LAMA1: variants seen among roughly 807,000 people sequenced by gnomAD.
LAMA1 encodes the protein laminin subunit alpha-1.
LAMA1 carries 219 observed loss-of-function variants against 348.7 expected under a neutral mutation model. That is an observed-to-expected ratio of 0.63 (90% CI 0.56 to 0.70). The LOEUF is 0.70. LAMA1 is among the 30% of genes least tolerant of loss of function. The probability of loss-of-function intolerance (pLI) is 0.00; values close to 1 mark genes in which losing one functional copy is unlikely to be tolerated. For synonymous variants in LAMA1, 1,487 were observed against 1,491.0 expected (o/e 1.00, Z 0.06); for missense variants, 3,744 against 3,888.0 (o/e 0.96, Z 0.99).
chr18:7,089,648 C>T (rs2058231933), intron 1 of LAMA1, among the ~76,000 whole-genome samples: 1 of 152,220 alleles, frequency 6.6e-6, no homozygotes, highest in Admixed American at 6.5e-5. Context: ...CCCCCTGTTG[C>T]CTGAGCGAGG....
chr18:7,093,182 C>T (rs900403408), intron 1 of LAMA1, among the ~76,000 whole-genome samples: 7 of 152,014 alleles, frequency 4.6e-5, no homozygotes, highest in Non-Finnish European at 7.4e-5. Context: ...TTTGGGAGGC[C>T]GAGGCGGGCG....
In LAMA1 at chr18:6,997,880, A is replaced by C. The variant is rs1358770337; in HGVS notation, c.4668T>G (p.Cys1556Trp). Residue 1556 changes from cysteine (C) to tryptophan (W), a missense_variant, in exon 33 of 63, where the codon TGT becomes TGG. Physicochemically the swap from Cys to Trp is radical, Grantham distance 215. Around this residue, in one of 3 missense-constraint regions of LAMA1, gnomAD observed 1,983 missense variants for 1,934.3 expected, o/e 1.03. Transcript: ENST00000389658. ...GCAGCACACCTACACACTCATCATC[A>C]CAGGCTACAAGACAAATTTTTAAAA... ...HILMETDCVSCDDECVGVLLN... is the reference protein window; with the variant it reads ...HILMETDCVSWDDECVGVLLN... 1 of 1,614,100 alleles carries C rather than the reference A, an allele frequency of 6.2e-7. No homozygotes were observed.
intron 17 of LAMA1, 106 bp from the exon 18 acceptor site, chr18:7,024,572 T>C (rs2057933883): frequency 1.1e-6 from 1 of 902,430 alleles, no homozygotes; most frequent in Non-Finnish European, 1.8e-6. Flanking sequence ...AGACCTTCAA[T>C]GAGACCTCCT....
chr18:7,103,259 G>T lies in LAMA1; in HGVS notation c.61+14401C>A, dbSNP rs112663594. Among the ~76,000 whole-genome samples, 1,155 of 152,148 alleles carry T rather than the reference G, an allele frequency of 7.6e-3. 13 individuals carry two copies. Among genetic ancestry groups the T allele is most frequent in the African/African-American group, 0.021 (871 of 41,524 alleles). On this transcript the variant is annotated intron_variant, in intron 1 of 62. Transcript: ENST00000389658. ...GGTGAACTAAAAATACAAAAAATTAGCCGGGCATGGTGGCGGGCGCCTGTA... is the reference window on the plus strand; with the variant it reads ...GGTGAACTAAAAATACAAAAAATTATCCGGGCATGGTGGCGGGCGCCTGTA...
intron 5 of LAMA1, among the ~76,000 whole-genome samples, chr18:7,046,859 T>C (rs928585543): frequency 4.6e-5 from 7 of 152,196 alleles, no homozygotes; most frequent in Non-Finnish European, 8.8e-5. Flanking sequence ...TCTTTTTAGA[T>C]TTCATTTTCC....
At chr18:7,014,186 A>G (rs1372758036) in intron 22 of LAMA1, 135 bp from the exon 23 acceptor site, 2 of 776,432 alleles carry the variant, frequency 2.6e-6, no homozygotes, top group Non-Finnish European at 2.2e-6. Context: ...CTATTGCTGC[A>G]TGGATTCACG....
chr18:6,973,756 TAG>T (rs1267081862), intron 46 of LAMA1, among the ~76,000 whole-genome samples: 1 of 152,188 alleles, frequency 6.6e-6, no homozygotes, highest in Non-Finnish European at 1.5e-5. Context: ...GCCTTACACG[TAG>T]ACTTTCTAAA....
At chr18:7,117,138 G>A (rs2058360315) in intron 1 of LAMA1, among the ~76,000 whole-genome samples, 1 of 152,196 alleles carries the variant, frequency 6.6e-6, no homozygotes, top group Admixed American at 6.5e-5. Flanking sequence ...AGCCCGCTTG[G>A]CTGCCAGGGG....
chr18:7,023,345 T>A lies in LAMA1; in HGVS notation c.2520A>T (p.Thr840=). The change falls in exon 19 of 63, where the codon ACA becomes ACT. Residue 840 remains threonine (T), a synonymous_variant. Transcript: ENST00000389658. ...RCADGYYGNP[T]VPGESCVPCD... is the part of the protein sequence containing the mutation. ...AGGGAACACAAGATTCGCCAGGCAC[T>A]GTTGGGTTTCCATAGTAACCATCTG... 6.2e-7 allele frequency: 1 copy of A among 1,614,192 alleles called. No individual in the cohort carries two copies. The highest frequency in any genetic ancestry group is 1.1e-5 in the South Asian group (1 of 91,076).
At chr18:6,971,364 T>C (rs1382394567) in intron 48 of LAMA1, among the ~76,000 whole-genome samples, 1 of 152,168 alleles carries the variant, frequency 6.6e-6, no homozygotes, top group Non-Finnish European at 1.5e-5. Flanking sequence ...GGAAAGTACT[T>C]AGCTGTAAAA....
At position 7,024,395 on chromosome 18, in the gene LAMA1, C is replaced by T; in HGVS notation, c.2474G>A (p.Gly825Glu). Reference sequence around the variant, plus strand: ...TGCAGAGTACCTCTCACACCAAGCTCCTGAGTAGCCCGGGGCACACCAGTC... The same window carrying T: ...TGCAGAGTACCTCTCACACCAAGCTTCTGAGTAGCCCGGGGCACACCAGTC... ...VCDWCAPGYS[G>E]AWCERCADGY... is the part of the protein sequence containing the mutation. The change falls in exon 18 of 63, where the codon GGA (glycine) becomes GAA (glutamate). Residue 825 changes from glycine to glutamate, a missense_variant. By Grantham distance (98) the Gly-to-Glu change is moderately conservative. This residue lies in a region of LAMA1 where 1,529 missense variants were observed against 1,689.4 expected (regional missense o/e 0.91). Transcript: ENST00000389658. 1 of 1,614,074 alleles carries T rather than the reference C, an allele frequency of 6.2e-7. No homozygotes were observed.
At chr18:6,977,948 T>C (rs2057690148) in intron 43 of LAMA1, 67 bp from the exon 44 acceptor site, 17 of 1,547,406 alleles carry the variant, frequency 1.1e-5, no homozygotes, top group Non-Finnish European at 1.4e-5. Flanking sequence ...GATAATTAAT[T>C]GTCCATTAAC....
chr18:7,048,820 C>A (rs2058051663), intron 5 of LAMA1, among the ~76,000 whole-genome samples: 2 of 152,006 alleles, frequency 1.3e-5, no homozygotes, highest in African/African-American at 2.4e-5. Context: ...GAACAAAGAC[C>A]ATGGCATTCA....
At chr18:7,096,890 T>A (rs982733636) in intron 1 of LAMA1, among the ~76,000 whole-genome samples, 16 of 152,332 alleles carry the variant, frequency 1.1e-4, no homozygotes, top group Admixed American at 1.0e-3. Context: ...TTGGGTAAGA[T>A]GCGTGGAAGA....
intron 6 of LAMA1, among the ~76,000 whole-genome samples, 157 bp from the exon 7 acceptor site, chr18:7,044,996 A>G (rs1020631002): frequency 2.0e-5 from 3 of 152,250 alleles, no homozygotes; most frequent in South Asian, 2.1e-4. Context: ...TAATTTTTAG[A>G]TGCCAATATA....
In LAMA1 at chr18:6,956,384, A is replaced by T. The variant is rs78119346; in HGVS notation, c.8094+252T>A. 3.7e-5 allele frequency: 24 copies of T among 654,166 alleles called. No homozygotes were observed. In the African/African-American group the frequency reaches 4.1e-4, roughly 11 times the overall value. The allele number at this position is 654,166 out of a possible 1,614,324, so 40.5% of individuals were successfully genotyped here. A position where few individuals can be genotyped will look rare whatever the true frequency, so the allele number is the denominator to read the frequency against. On this transcript the variant is annotated intron_variant, in intron 56 of 62. Coordinates refer to ENST00000389658, the MANE Select transcript of LAMA1 (RefSeq NM_005559.4). ...TCCTTATAGAAGCTCTGCCAAAAGC[A>T]TATTATACATCAGCCCAATGCGCGG... is the stretch of plus-strand genomic sequence containing the variant.
intron 1 of LAMA1, among the ~76,000 whole-genome samples, chr18:7,114,363 A>G (rs1190443166): frequency 6.6e-6 from 1 of 152,260 alleles, no homozygotes; most frequent in Admixed American, 6.5e-5. Flanking sequence ...AGCCATGGCC[A>G]TAGCTAATTA....
chr18:6,971,577 T>G (rs1335041069), intron 48 of LAMA1, among the ~76,000 whole-genome samples: 1 of 152,156 alleles, frequency 6.6e-6, no homozygotes, highest in Non-Finnish European at 1.5e-5. Flanking sequence ...TTAAAAATGA[T>G]ACCTGTGCTT....
intron 16 of LAMA1, among the ~76,000 whole-genome samples, chr18:7,027,427 T>C (rs1007310258): frequency 2.0e-5 from 3 of 152,042 alleles, no homozygotes; most frequent in African/African-American, 4.8e-5. Context: ...ATGGCAGGTG[T>C]TCTACGTACC....
Sources: gnomAD v4.1 joint callset for allele counts (sites outside exome capture counted in the v4.1 genomes callset) on GRCh38, gnomAD v4.1.1 for gene constraint, gnomAD v4.1.1 regional missense constraint, MANE v1.5 for transcripts, NCBI Gene and HGNC (gene_info 2026-07-23, HGNC 2026-07-21) for gene names.